CNTN1: variants seen among roughly 807,000 people sequenced by gnomAD.
The protein encoded by CNTN1 is contactin 1.
In CNTN1, 38 loss-of-function variants were observed where a neutral mutation model predicts 126.4. The ratio of observed to expected loss-of-function variants is 0.30; its 90% CI spans 0.23 to 0.39. The LOEUF is 0.39. Ranked by LOEUF, CNTN1 falls within the 10% of genes least tolerant of loss-of-function variation. The pLI is 1.00. For synonymous variants in CNTN1, 413 were observed against 422.6 expected (o/e 0.98, Z 0.28); for missense variants, 1,009 against 1,248.4 (o/e 0.81, Z 2.89).
intron 1 of CNTN1, among the ~76,000 whole-genome samples, chr12:40,828,817 G>C (rs928551138): frequency 6.6e-6 from 1 of 152,162 alleles, no homozygotes; most frequent in African/African-American, 2.4e-5. Context: ...ATTTGGACTA[G>C]CATGTCCTTG....
At chr12:40,957,511 A>G (rs1946933043) in intron 14 of CNTN1, among the ~76,000 whole-genome samples, 1 of 150,652 alleles carries the variant, frequency 6.6e-6, no homozygotes, top group Non-Finnish European at 1.5e-5. Context: ...TAACTTTACT[A>G]GGTAAGACTT....
chr12:40,933,055 T>C lies in CNTN1; in HGVS notation c.704-406T>C, dbSNP rs532140660. Reference sequence around the variant, plus strand: ...TTTATCTCTGTGGGCATTTCTTCTTTTCTCCTTAGTTTCTTGCCTTGCGTC... The same window carrying C: ...TTTATCTCTGTGGGCATTTCTTCTTCTCTCCTTAGTTTCTTGCCTTGCGTC... On this transcript the variant is annotated intron_variant, in intron 7 of 23. Coordinates refer to ENST00000551295, the MANE Select transcript of CNTN1 (RefSeq NM_001843.4). Among the ~76,000 whole-genome samples, 82 of 152,032 alleles carry C rather than the reference T, an allele frequency of 5.4e-4. 2 individuals are homozygous for C. The highest frequency in any genetic ancestry group is 1.8e-3 in the African/African-American group (76 of 41,528).
intron 1 of CNTN1, among the ~76,000 whole-genome samples, chr12:40,875,618 C>T (rs949204368): frequency 1.3e-5 from 2 of 151,946 alleles, no homozygotes; most frequent in African/African-American, 4.8e-5. Flanking sequence ...ATTATATATA[C>T]CCTTTTGGGA....
intron 23 of CNTN1, among the ~76,000 whole-genome samples, chr12:41,057,189 A>G (rs1038110182): frequency 6.9e-6 from 1 of 144,294 alleles, no homozygotes; most frequent in African/African-American, 2.5e-5. Context: ...AAATATTTAG[A>G]TATTTATATT....
At chr12:40,872,212 T>TTTTG (rs754878614) in intron 1 of CNTN1, among the ~76,000 whole-genome samples, 6 of 113,516 alleles carry the variant, frequency 5.3e-5, no homozygotes, top group Non-Finnish European at 1.1e-4. Context: ...GTTGCTTTGT[T>TTTTG]TGTGTGTGTG....
Position 40,893,809 on chromosome 12 carries a change from G to GT in CNTN1, c.-76-14547dup, listed in dbSNP as rs1392816315. Among the ~76,000 whole-genome samples the GT allele has an allele frequency of 1.7e-4, 26 of 152,166 alleles. No individual in the cohort carries two copies. In the East Asian group the frequency reaches 4.1e-3, roughly 24 times the overall value. On this transcript the variant is annotated intron_variant, in intron 1 of 23. Coordinates refer to ENST00000551295, the MANE Select transcript of CNTN1 (RefSeq NM_001843.4). ...TCATTAATATGTAGATGACTTCCAAGTAGCTATCCCCCACTCCTGTCTGAC... is the reference window on the plus strand; with the variant it reads ...TCATTAATATGTAGATGACTTCCAAGTTAGCTATCCCCCACTCCTGTCTGAC...
intron 1 of CNTN1, among the ~76,000 whole-genome samples, chr12:40,717,230 A>C (rs1045945762): frequency 6.6e-6 from 1 of 152,184 alleles, no homozygotes; most frequent in Non-Finnish European, 1.5e-5. Context: ...TTTAACAGTC[A>C]TTTGTATTAA....
intron 1 of CNTN1, among the ~76,000 whole-genome samples, chr12:40,888,606 T>TAAC (rs1392941036): frequency 6.7e-6 from 1 of 150,000 alleles, no homozygotes; most frequent in African/African-American, 2.5e-5. Flanking sequence ...GAAATGTGAT[T>TAAC]AACAACAACA....
chr12:40,924,578 A>G lies in CNTN1; in HGVS notation c.422A>G (p.Glu141Gly), dbSNP rs779534185. The change falls in exon 6 of 24, where the codon GAG (glutamate) becomes GGG (glycine). Residue 141 changes from glutamate to glycine, a missense_variant. Transcript: ENST00000551295. ...SFGYLDPFPP[E>G]ERPEVRVKEG... ...TTAGATCTTGATCCTTTCCCACCTG[A>G]GGAACGTCCTGAGGTCAGAGTAAAA... is the stretch of plus-strand genomic sequence containing the variant. The G allele has an allele frequency of 6.3e-7, 1 of 1,598,720 alleles. No individual in the cohort carries two copies. The highest frequency in any genetic ancestry group is 1.1e-5 in the South Asian group (1 of 90,706).
chr12:40,711,436 C>T (rs1037140631), intron 1 of CNTN1, among the ~76,000 whole-genome samples: 34 of 152,124 alleles, frequency 2.2e-4, no homozygotes, highest in African/African-American at 7.2e-4. Flanking sequence ...TATCCCTTCA[C>T]ATTTTTAGGG....
intron 1 of CNTN1, among the ~76,000 whole-genome samples, chr12:40,817,457 C>T (rs921776023): frequency 3.9e-5 from 5 of 127,160 alleles, no homozygotes; most frequent in Admixed American, 3.2e-4. Context: ...TTGTCAGAGA[C>T]TAGGATTGCA....
At chr12:40,919,922 T>C (rs1312638368) in intron 4 of CNTN1, among the ~76,000 whole-genome samples, 4 of 152,278 alleles carry the variant, frequency 2.6e-5, no homozygotes, top group Non-Finnish European at 4.4e-5. Context: ...CTATTTGTCA[T>C]TGACATGGAA....
intron 21 of CNTN1, among the ~76,000 whole-genome samples, chr12:41,026,373 G>A (rs924841212): frequency 3.3e-5 from 5 of 152,174 alleles, no homozygotes; most frequent in African/African-American, 1.2e-4. Context: ...GATTAAAGCA[G>A]CTGACAGGGC....
chr12:40,963,261 T>C (rs972157329), intron 15 of CNTN1, among the ~76,000 whole-genome samples: 1 of 151,934 alleles, frequency 6.6e-6, no homozygotes, highest in African/African-American at 2.4e-5. Context: ...AATACAAAAA[T>C]AAGCTAGGCA....
intron 14 of CNTN1, among the ~76,000 whole-genome samples, chr12:40,945,722 T>TA (rs34940542): frequency 0.044 from 6,401 of 144,856 alleles, 142 homozygotes; most frequent in Middle Eastern, 0.13. Flanking sequence ...CAGTCCCCTT[T>TA]AAAAAAAAAA....
At chr12:41,008,890 G>A (rs1402900280) in intron 17 of CNTN1, among the ~76,000 whole-genome samples, 1 of 152,196 alleles carries the variant, frequency 6.6e-6, no homozygotes, top group Non-Finnish European at 1.5e-5. Flanking sequence ...AACTAAAAAA[G>A]CATACTTGGA....
At chr12:40,988,285 T>C (rs35594776) in intron 16 of CNTN1, among the ~76,000 whole-genome samples, 7,692 of 152,264 alleles carry the variant, frequency 0.051, 279 homozygotes, top group Non-Finnish European at 0.075. Context: ...AGGTTTGTTC[T>C]GCGTACTTAC....
At chr12:40,701,598 C>A (rs1941597213) in intron 1 of CNTN1, among the ~76,000 whole-genome samples, 1 of 152,000 alleles carries the variant, frequency 6.6e-6, no homozygotes, top group Admixed American at 6.6e-5. Flanking sequence ...TATTTTTATA[C>A]ATTAAATGTG....
chr12:40,795,290 C>T (rs1341134203), intron 1 of CNTN1, among the ~76,000 whole-genome samples: 6 of 52,134 alleles, frequency 1.2e-4, no homozygotes, highest in African/African-American at 2.3e-4. Flanking sequence ...CACACACACA[C>T]ACACACACAC....
Sources: allele counts gnomAD v4.1 joint callset (sites outside exome capture counted in the v4.1 genomes callset), GRCh38; gene constraint gnomAD v4.1.1; transcripts MANE v1.5; gene names NCBI Gene and HGNC (gene_info 2026-07-23, HGNC 2026-07-21).